The following LYN variants were observed in gnomAD, a reference collection of about 807,000 sequenced individuals.
LYN encodes LYN proto-oncogene, Src family tyrosine kinase, also known as tyrosine-protein kinase Lyn.
LYN carries 12 observed loss-of-function variants against 65.0 expected under a neutral mutation model. The ratio of observed to expected loss-of-function variants is 0.18; its 90% CI spans 0.12 to 0.30. The LOEUF (loss-of-function observed/expected upper bound fraction) is 0.30, where lower values mean the gene tolerates loss of function less well. LYN is among the 10% of genes least tolerant of loss of function. LYN has a pLI of 1.00. For missense variants in LYN, 380 were observed against 623.2 expected, an observed-to-expected ratio of 0.61 and a Z score of 4.16; for synonymous variants, 222 against 221.2, an observed-to-expected ratio of 1.00 and a Z score of -0.03.
chr8:55,918,953 C>T (rs1423231438), intron 1 of LYN, among the ~76,000 whole-genome samples: 1 of 132,500 alleles, frequency 7.5e-6, no homozygotes, highest in African/African-American at 2.9e-5. Context: ...AATCCCAGTG[C>T]TTTGGGAGTT....
At chr8:55,891,224 T>C (rs184802868) in intron 1 of LYN, among the ~76,000 whole-genome samples, 14 of 151,964 alleles carry the variant, frequency 9.2e-5, no homozygotes, top group Admixed American at 4.6e-4. Flanking sequence ...TGGTGGTGCA[T>C]GCCTGTAATC....
At chr8:55,901,414 T>C (rs930825694) in intron 1 of LYN, among the ~76,000 whole-genome samples, 2 of 152,214 alleles carry the variant, frequency 1.3e-5, no homozygotes, top group South Asian at 2.1e-4. Flanking sequence ...TGAAAGGAAC[T>C]GTTTAATTGA....
At chr8:55,899,317 T>G (rs1450445366) in intron 1 of LYN, among the ~76,000 whole-genome samples, 1 of 152,186 alleles carries the variant, frequency 6.6e-6, no homozygotes, top group African/African-American at 2.4e-5. Flanking sequence ...AACTACTAAG[T>G]AAATGGAACC....
intron 1 of LYN, among the ~76,000 whole-genome samples, chr8:55,909,036 C>T (rs554846604): frequency 0.13 from 5,521 of 43,562 alleles, 734 homozygotes; most frequent in African/African-American, 0.31. Context: ...CACACACACA[C>T]ACACACACAC....
At chr8:55,914,747 G>T (rs1034612785) in intron 1 of LYN, among the ~76,000 whole-genome samples, 2 of 152,138 alleles carry the variant, frequency 1.3e-5, no homozygotes, top group African/African-American at 4.8e-5. Flanking sequence ...ATATCCAGTA[G>T]ATTTACCTAA....
rs575747257 is a variant in LYN at position 55,897,700 on chromosome 8, G to A, written c.-6+17597G>A. On this transcript the variant is annotated intron_variant, in intron 1 of 12. Coordinates refer to ENST00000519728, the MANE Select transcript of LYN (RefSeq NM_002350.4). Reference sequence around the variant, plus strand: ...GCCGAGGCAGGAAGATCACTTGAGCGCAGAAGTTTGAGACCATCCTAGGCA... The same window carrying A: ...GCCGAGGCAGGAAGATCACTTGAGCACAGAAGTTTGAGACCATCCTAGGCA... 9.2e-5 allele frequency among the ~76,000 whole-genome samples: 14 copies of A among 152,114 alleles called. No individual in the cohort carries two copies. In the South Asian group the frequency reaches 2.3e-3, roughly 25 times the overall value.
chr8:55,982,204 CAG>C (rs1248398705), intron 10 of LYN, among the ~76,000 whole-genome samples: 1 of 152,142 alleles, frequency 6.6e-6, no homozygotes, highest in Non-Finnish European at 1.5e-5. Flanking sequence ...TTATATGTTA[CAG>C]AGCCAACTAC....
intron 1 of LYN, among the ~76,000 whole-genome samples, chr8:55,897,327 C>G (rs1337014414): frequency 6.6e-6 from 1 of 152,086 alleles, no homozygotes; most frequent in Non-Finnish European, 1.5e-5. Flanking sequence ...AGGTACTTCC[C>G]TCCTCCTCAT....
At chr8:56,009,722 C>T (rs148737723) in intron 12 of LYN, among the ~76,000 whole-genome samples, 186 bp from the exon 13 acceptor site, 3 of 152,204 alleles carry the variant, frequency 2.0e-5, no homozygotes, top group East Asian at 1.9e-4. Context: ...CTGAGGTGTA[C>T]GCGGGGTTAG....
rs1186983316 is a variant in LYN, at chr8:55,947,523, C to G, written c.179-95C>G. 3.5e-6 allele frequency: 3 copies of G among 865,324 alleles called. No individual in the cohort carries two copies. The African/African-American group carries it at 5.0e-5, about 14-fold the overall frequency. The allele number at this position is 865,324 out of a possible 1,614,324, so 53.6% of individuals were successfully genotyped here. ...CATGTCCTTCTTCCAGTTGCCCCCT[C>G]TTAGTGCTTCCTCTCATCCTTTGTG... On this transcript the variant is annotated intron_variant, in intron 3 of 12. Coordinates refer to ENST00000519728, the MANE Select transcript of LYN (RefSeq NM_002350.4).
chr8:55,996,761 G>A (rs372982802), intron 10 of LYN, among the ~76,000 whole-genome samples: 22 of 152,144 alleles, frequency 1.4e-4, no homozygotes, highest in African/African-American at 2.9e-4. Flanking sequence ...ATTCAGCAAC[G>A]AGTAGTAGTT....
At chr8:55,896,998 C>A (rs1805127889) in intron 1 of LYN, among the ~76,000 whole-genome samples, 1 of 152,140 alleles carries the variant, frequency 6.6e-6, no homozygotes, top group East Asian at 1.9e-4. Context: ...CCTTGGCCTC[C>A]CAAAGTGCTG....
intron 12 of LYN, 151 bp downstream of exon 12, chr8:55,999,700 G>C (rs1226681018): frequency 2.4e-6 from 2 of 837,460 alleles, no homozygotes; most frequent in Admixed American, 4.8e-5. Flanking sequence ...GGCTGGGCAT[G>C]GTGGCTCACG....
At chr8:55,945,758 C>T (rs146335545) in intron 2 of LYN, among the ~76,000 whole-genome samples, 1 of 152,340 alleles carries the variant, frequency 6.6e-6, no homozygotes, top group Non-Finnish European at 1.5e-5. Flanking sequence ...CAGGGGATGC[C>T]ATCTGTCCCT....
At chr8:55,970,126 C>T (rs1333066906) in intron 10 of LYN, among the ~76,000 whole-genome samples, 1 of 152,188 alleles carries the variant, frequency 6.6e-6, no homozygotes, top group Non-Finnish European at 1.5e-5. Context: ...TATGTAAGCA[C>T]AGCAGCTTTT....
At chr8:55,887,078 T>C (rs1804818658) in intron 1 of LYN, among the ~76,000 whole-genome samples, 1 of 152,274 alleles carries the variant, frequency 6.6e-6, no homozygotes. Context: ...CACATTCATA[T>C]AATGGGATAC....
intron 10 of LYN, among the ~76,000 whole-genome samples, chr8:55,987,221 T>G (rs1363778711): frequency 6.6e-6 from 1 of 151,924 alleles, no homozygotes; most frequent in Non-Finnish European, 1.5e-5. Context: ...GAGACCACAC[T>G]GGGGAACATG....
At chr8:55,934,815 G>A (rs1228711760) in intron 1 of LYN, among the ~76,000 whole-genome samples, 1 of 152,210 alleles carries the variant, frequency 6.6e-6, no homozygotes, top group Non-Finnish European at 1.5e-5. Context: ...AATAGTCAAA[G>A]TGAATGGAGG....
intron 12 of LYN, among the ~76,000 whole-genome samples, chr8:56,003,163 C>T (rs547247020): frequency 1.8e-4 from 27 of 151,696 alleles, no homozygotes; most frequent in African/African-American, 5.1e-4. Context: ...GGGTTCACGC[C>T]GTTCTCTTGC....
Sources: gnomAD v4.1 joint callset for allele counts (sites outside exome capture counted in the v4.1 genomes callset) on GRCh38, gnomAD v4.1.1 for gene constraint, MANE v1.5 for transcripts, NCBI Gene and HGNC (gene_info 2026-07-23, HGNC 2026-07-21) for gene names.